CD99: variants seen among roughly 807,000 people sequenced by gnomAD.
The protein encoded by CD99 is CD99 molecule (Xg blood group).
CD99 carries 19 observed loss-of-function variants against 28.4 expected under a neutral mutation model. That is an observed-to-expected ratio of 0.67 (90% CI 0.47 to 0.98). The LOEUF is 0.98. Ranked by LOEUF, CD99 falls within the 50% of genes least tolerant of loss-of-function variation. The pLI, the probability that CD99 is intolerant of heterozygous loss-of-function variation, is 0.00. For synonymous variants in CD99, 103 were observed against 92.1 expected (o/e 1.12, Z -0.67); for missense variants, 283 against 248.8 (o/e 1.14, Z -0.92).
chrX:2,720,282 C>G (rs1298062032), intron 4 of CD99, 74 bp from the exon 5 acceptor site: 2 of 1,339,726 alleles, frequency 1.5e-6, no homozygotes, highest in Non-Finnish European at 2.2e-6. Context: ...AGGGAACCAT[C>G]TGTGTGTAAA....
At chrX:2,736,951 G>A (rs779798460) in intron 8 of CD99, among the ~76,000 whole-genome samples, 11 of 151,964 alleles carry the variant, frequency 7.2e-5, no homozygotes, top group South Asian at 4.2e-4. Context: ...GAAGAAAACC[G>A]GGTACACAAG....
intron 2 of CD99, chrX:2,715,236 C>G (rs2048635935): frequency 6.6e-6 from 1 of 152,040 alleles, no homozygotes; most frequent in Admixed American, 6.6e-5. Flanking sequence ...CTTGTCATCC[C>G]TTTGTATTTG....
rs755239485 is a variant in CD99 at position 2,726,274 on chromosome X, G to A, written c.376G>A (p.Val126Met). 15 of 1,609,480 alleles carry A rather than the reference G, an allele frequency of 9.3e-6. No individual in the cohort carries two copies. The East Asian group carries it at 1.3e-4, about 14-fold the overall frequency. ...KEGEEADAPG[V>M]IPGIVGAVVV... ...TCCTCCTGCAGCCGACGCCCCAGGC[G>A]TGATCCCCGGGATTGTGGGGGCTGT... is the stretch of plus-strand genomic sequence containing the variant. Residue 126 changes from valine (V) to methionine (M), a missense_variant, in exon 8 of 10, where the codon GTG becomes ATG. By Grantham distance (21) the Val-to-Met change is conservative (BLOSUM62 1). Coordinates refer to ENST00000381192, the MANE Select transcript of CD99 (RefSeq NM_002414.5).
At chrX:2,723,267 C>A (rs777841001) in intron 6 of CD99, 47 bp from the exon 7 acceptor site, 1 of 1,607,410 alleles carries the variant, frequency 6.2e-7, no homozygotes, top group Non-Finnish European at 8.5e-7. Context: ...GTGAATTTTT[C>A]CTTGACCCCA....
intron 8 of CD99, among the ~76,000 whole-genome samples, chrX:2,734,089 A>T (rs1007498838): frequency 3.6e-4 from 54 of 152,076 alleles, no homozygotes; most frequent in Non-Finnish European, 6.6e-4. Flanking sequence ...GGATTCTCTC[A>T]TATCCCTGAA....
intron 9 of CD99, among the ~76,000 whole-genome samples, chrX:2,739,536 G>T (rs911603374): frequency 6.6e-6 from 1 of 151,874 alleles, no homozygotes; most frequent in Non-Finnish European, 1.5e-5. Context: ...TGCAACCCCT[G>T]CCTCCCAGTG....
intron 8 of CD99, among the ~76,000 whole-genome samples, chrX:2,734,668 C>T (rs1324025466): frequency 7.0e-6 from 1 of 142,888 alleles, no homozygotes; most frequent in East Asian, 2.0e-4. Context: ...TTCCTTTTTG[C>T]TTTTTCTTTT....
At position 2,722,619 on chromosome X, in the gene CD99, T is replaced by C. The variant is rs753485172; in HGVS notation, c.263-8T>C. On this transcript the variant is annotated splice_polypyrimidine_tract_variant and splice_region_variant and intron_variant, in intron 5 of 9. Coordinates refer to ENST00000381192, the MANE Select transcript of CD99 (RefSeq NM_002414.5). ...GGTTGACAGGTGATGCTGTATTTTCTTTCCTAGGTAGCTTTTCAGATGCTG... is the reference window on the plus strand; with the variant it reads ...GGTTGACAGGTGATGCTGTATTTTCCTTCCTAGGTAGCTTTTCAGATGCTG... 1.2e-6 allele frequency: 2 copies of C among 1,613,936 alleles called. No individual in the cohort carries two copies. The highest frequency in any genetic ancestry group is 2.2e-5 in the South Asian group (2 of 91,078).
chrX:2,738,269 G>A lies in CD99; in HGVS notation c.532+13G>A. 3 of 1,613,500 alleles carry A rather than the reference G, an allele frequency of 1.9e-6. No homozygotes were observed. Among genetic ancestry groups the A allele is most frequent in the Admixed American group, 3.3e-5 (2 of 60,006 alleles). ...GCAGAGCCAGCTGGTAAGAAGGACG[G>A]GGAACGATGGCTTGCACACGTGGCC... On this transcript the variant is annotated intron_variant, in intron 9 of 9. Transcript: ENST00000381192.
chrX:2,713,214 A>T (rs1480114648), intron 1 of CD99, among the ~76,000 whole-genome samples: 1 of 151,404 alleles, frequency 6.6e-6, no homozygotes, highest in Non-Finnish European at 1.5e-5. Flanking sequence ...CCACACATAC[A>T]TGCATCCATA....
At position 2,697,996 on chromosome X, in the gene CD99, T is replaced by TG. The variant is rs777772039; in HGVS notation, c.67+6570dup. Among the ~76,000 whole-genome samples, 310 of 151,898 alleles carry TG rather than the reference T, an allele frequency of 2.0e-3. 5 individuals are homozygous for TG. Among genetic ancestry groups the TG allele is most frequent in the Admixed American group, 0.013 (200 of 15,226 alleles). ...TGGCAATGAAGGTAGAGGCCCCCTG[T>TG]GTTGAGGTCTTTACTCAAGAGGCTG... On this transcript the variant is annotated intron_variant, in intron 1 of 9. Transcript: ENST00000381192.
In CD99 at chrX:2,741,060, A is replaced by G. The variant is rs1422012595; in HGVS notation, c.*256A>G. ...GCCCGGGGGGGCGGTTTCCCATGGG[A>G]TGTGAAAGGCTGGCCATTATTAAGT... is the stretch of plus-strand genomic sequence containing the variant. On this transcript the variant is annotated 3_prime_UTR_variant, in exon 10 of 10. Transcript: ENST00000381192. 8 of 550,008 alleles carry G rather than the reference A, an allele frequency of 1.5e-5. No homozygotes were observed. In the Admixed American group the frequency reaches 2.2e-4, roughly 15 times the overall value. The allele number at this position is 550,008 out of a possible 1,614,324, so 34.1% of individuals were successfully genotyped here.
intron 1 of CD99, among the ~76,000 whole-genome samples, chrX:2,695,519 C>T (rs1216702243): frequency 2.0e-5 from 3 of 152,086 alleles, no homozygotes; most frequent in Non-Finnish European, 4.4e-5. Context: ...TCAAGCAATC[C>T]TTCCACCTCA....
At chrX:2,701,483 A>C (rs765012647) in intron 1 of CD99, among the ~76,000 whole-genome samples, 4 of 152,212 alleles carry the variant, frequency 2.6e-5, no homozygotes, top group Admixed American at 2.6e-4. Context: ...CAGGGACTAC[A>C]CTTGTTCAGG....
At chrX:2,715,367 T>G (rs2048644735) in intron 2 of CD99, 1 of 152,312 alleles carries the variant, frequency 6.6e-6, no homozygotes, top group African/African-American at 2.4e-5. Context: ...CCATGCTCCC[T>G]CTAGGGGCTC....
chrX:2,694,208 C>T (rs2047465409), intron 1 of CD99, among the ~76,000 whole-genome samples: 1 of 152,018 alleles, frequency 6.6e-6, no homozygotes, highest in Admixed American at 6.5e-5. Flanking sequence ...TCTACGGAAC[C>T]GACATCTCTT....
chrX:2,704,417 A>G (rs1382242584), intron 1 of CD99, among the ~76,000 whole-genome samples: 2 of 149,100 alleles, frequency 1.3e-5, no homozygotes, highest in Non-Finnish European at 3.0e-5. Flanking sequence ...ACCTGCATAT[A>G]ATCTTTTTCT....
chrX:2,730,212 A>C (rs1480167193), intron 8 of CD99, among the ~76,000 whole-genome samples: 1 of 149,932 alleles, frequency 6.7e-6, no homozygotes, highest in African/African-American at 2.5e-5. Context: ...TCACTCTGTC[A>C]CCCAGGCTGG....
chrX:2,729,136 T>A (rs990736021), intron 8 of CD99, among the ~76,000 whole-genome samples: 3 of 152,192 alleles, frequency 2.0e-5, no homozygotes, highest in Non-Finnish European at 4.4e-5. Context: ...GCACCCGGCC[T>A]CTTTTTTAGA....
Sources: gnomAD v4.1 joint callset for allele counts (sites outside exome capture counted in the v4.1 genomes callset) on GRCh38, gnomAD v4.1.1 for gene constraint, MANE v1.5 for transcripts, NCBI Gene and HGNC (gene_info 2026-07-23, HGNC 2026-07-21) for gene names.